The following NRXN3 variants were observed in gnomAD, a reference collection of about 807,000 sequenced individuals.
NRXN3 encodes neurexin 3.
Under a neutral mutation model 137.6 loss-of-function variants are expected in NRXN3, and 32 were observed. The observed-to-expected ratio is 0.23, with a 90% CI of 0.18 to 0.31. The LOEUF (loss-of-function observed/expected upper bound fraction) is 0.31. NRXN3 is among the 10% of genes least tolerant of loss of function. The pLI is 1.00. For missense variants in NRXN3, 1,574 were observed against 2,062.5 expected (o/e 0.76, Z 4.59); for synonymous variants, 798 against 784.5 (o/e 1.02, Z -0.29).
At position 78,511,596 on chromosome 14, in the gene NRXN3, G is replaced by A. The variant is rs78436853; in HGVS notation, c.758-133524G>A. Among the ~76,000 whole-genome samples, 473 of 152,202 alleles carry A rather than the reference G, an allele frequency of 3.1e-3. 2 individuals are homozygous for A. Among genetic ancestry groups the A allele is most frequent in the African/African-American group, 0.011 (437 of 41,534 alleles). On this transcript the variant is annotated intron_variant, in intron 4 of 20. Coordinates refer to ENST00000335750, the MANE Select transcript of NRXN3 (RefSeq NM_001330195.2). ...ATTCACAGATGGAGAAAGAGATTTT[G>A]CATATATATTTTTCTAATTTTCATT...
At chr14:79,041,755 C>T (rs1595276660) in intron 15 of NRXN3, among the ~76,000 whole-genome samples, 1 of 152,266 alleles carries the variant, frequency 6.6e-6, no homozygotes, top group East Asian at 1.9e-4. Flanking sequence ...GAGTGAGTCA[C>T]TTCATCAACT....
At chr14:78,660,363 C>A (rs1225768707) in intron 6 of NRXN3, among the ~76,000 whole-genome samples, 1 of 151,730 alleles carries the variant, frequency 6.6e-6, no homozygotes, top group African/African-American at 2.4e-5. Context: ...GATTCAGTGG[C>A]ACCTGCTCCA....
intron 15 of NRXN3, among the ~76,000 whole-genome samples, chr14:79,351,000 G>A (rs762142011): frequency 1.5e-4 from 23 of 152,218 alleles, no homozygotes; most frequent in Admixed American, 1.2e-3. Context: ...GGCTTGAAGC[G>A]GTTAAATGAC....
intron 4 of NRXN3, among the ~76,000 whole-genome samples, chr14:78,489,661 C>G (rs1315573074): frequency 6.6e-6 from 1 of 152,090 alleles, no homozygotes; most frequent in Non-Finnish European, 1.5e-5. Flanking sequence ...TTTTCTTCCC[C>G]TTCCCATGGT....
chr14:79,634,888 A>G (rs1032799471), intron 16 of NRXN3, among the ~76,000 whole-genome samples: 1 of 152,154 alleles, frequency 6.6e-6, no homozygotes, highest in Non-Finnish European at 1.5e-5. Flanking sequence ...CGACCTTTTT[A>G]GATTCCATAT....
intron 19 of NRXN3, among the ~76,000 whole-genome samples, chr14:79,717,520 CT>C (rs1342018409): frequency 4.6e-5 from 7 of 152,294 alleles, no homozygotes; most frequent in East Asian, 1.9e-4. Flanking sequence ...TTACTTTGCA[CT>C]TTTTTTCCCC....
intron 15 of NRXN3, among the ~76,000 whole-genome samples, chr14:79,370,359 C>T (rs1356407298): frequency 1.5e-5 from 2 of 136,014 alleles, no homozygotes; most frequent in African/African-American, 5.5e-5. Flanking sequence ...GCTCTTATTG[C>T]CCAGGCTGGA....
intron 10 of NRXN3, among the ~76,000 whole-genome samples, chr14:78,904,836 T>C (rs1291864972): frequency 6.6e-6 from 1 of 150,756 alleles, no homozygotes; most frequent in Non-Finnish European, 1.5e-5. Context: ...TGAATATGAA[T>C]GACCTTTCCC....
chr14:78,748,411 T>A (rs2098623544), intron 8 of NRXN3, among the ~76,000 whole-genome samples: 1 of 152,060 alleles, frequency 6.6e-6, no homozygotes, highest in Non-Finnish European at 1.5e-5. Flanking sequence ...CAAAGGAGAA[T>A]GAGAGCCAGC....
rs117797544 is a variant in NRXN3, at chr14:79,650,504, G to C, written c.3445-13274G>C. On this transcript the variant is annotated intron_variant, in intron 16 of 20. Transcript: ENST00000335750. ...CTTTGTCTTACGGATGAGGAAACTG[G>C]GTGCAGAGTATTTGTGGCTTTCCCC... Among the ~76,000 whole-genome samples the C allele has an allele frequency of 4.2e-3, 642 of 152,136 alleles. 2 individuals are homozygous for C. The highest frequency in any genetic ancestry group is 6.6e-3 in the Non-Finnish European group (449 of 67,994).
intron 4 of NRXN3, among the ~76,000 whole-genome samples, chr14:78,440,938 A>G (rs1353177401): frequency 1.3e-5 from 2 of 152,232 alleles, no homozygotes; most frequent in African/African-American, 4.8e-5. Context: ...ACTGGGTCCA[A>G]CTGTCTGTGT....
At chr14:79,674,933 A>G (rs1744760584) in intron 17 of NRXN3, among the ~76,000 whole-genome samples, 1 of 152,104 alleles carries the variant, frequency 6.6e-6, no homozygotes. Context: ...GGGTATTACA[A>G]CCTATCCTTG....
chr14:79,702,944 GTGTGTTCTGTGCAAATC>G (rs2098761030), intron 19 of NRXN3, among the ~76,000 whole-genome samples: 3 of 150,940 alleles, frequency 2.0e-5, no homozygotes, highest in Non-Finnish European at 4.4e-5. Context: ...AAAAAGCTCA[GTGTGTTCTGTGCAAATC>G]ACCATTTGGA....
intron 4 of NRXN3, among the ~76,000 whole-genome samples, chr14:78,644,265 T>A (rs2097664862): frequency 6.6e-6 from 1 of 151,938 alleles, no homozygotes; most frequent in African/African-American, 2.4e-5. Context: ...AGGGTCCCAG[T>A]CTATGAAATA....
intron 15 of NRXN3, among the ~76,000 whole-genome samples, chr14:79,235,693 A>G (rs1030577898): frequency 2.0e-5 from 3 of 152,198 alleles, no homozygotes; most frequent in African/African-American, 7.2e-5. Flanking sequence ...AGCATAGATC[A>G]GGAGACAAGT....
At chr14:79,213,842 A>T (rs1024962309) in intron 15 of NRXN3, among the ~76,000 whole-genome samples, 1 of 152,142 alleles carries the variant, frequency 6.6e-6, no homozygotes, top group Non-Finnish European at 1.5e-5. Context: ...GGCCCTTGTG[A>T]TGGCCATAAT....
At chr14:78,668,482 CTT>C (rs1391340617) in intron 6 of NRXN3, among the ~76,000 whole-genome samples, 1 of 152,070 alleles carries the variant, frequency 6.6e-6, no homozygotes, top group African/African-American at 2.4e-5. Context: ...TCTGGAGACT[CTT>C]TTAGTTGTTG....
intron 15 of NRXN3, among the ~76,000 whole-genome samples, chr14:79,072,922 G>C (rs887440113): frequency 1.5e-5 from 2 of 135,888 alleles, no homozygotes; most frequent in Non-Finnish European, 3.1e-5. Context: ...TTTCATTCCT[G>C]TCGCCCAGGC....
intron 1 of NRXN3, among the ~76,000 whole-genome samples, chr14:78,227,799 C>T (rs1007039290): frequency 6.6e-5 from 10 of 152,174 alleles, no homozygotes; most frequent in South Asian, 2.1e-4. Flanking sequence ...CTCAGGACTG[C>T]GTCTCTAGAA....
Sources: allele counts gnomAD v4.1 joint callset (sites outside exome capture counted in the v4.1 genomes callset), GRCh38; gene constraint gnomAD v4.1.1; transcripts MANE v1.5; gene names NCBI Gene and HGNC (gene_info 2026-07-23, HGNC 2026-07-21).